Variants in FDPS observed in about 807,000 individuals in gnomAD.
FDPS encodes the protein farnesyl pyrophosphate synthase.
A neutral mutation model predicts 49.5 loss-of-function variants in FDPS; 29 were observed. The ratio of observed to expected loss-of-function variants is 0.59; its 90% CI spans 0.44 to 0.80. FDPS has a LOEUF of 0.80. Among genes scored for constraint, FDPS ranks in the 30% least tolerant of loss-of-function variants. FDPS has a pLI of 0.00. For missense variants in FDPS, 414 were observed against 525.6 expected (o/e 0.79, Z 2.08); for synonymous variants, 172 against 206.4 (o/e 0.83, Z 1.43).
intron 4 of FDPS, among the ~76,000 whole-genome samples, chr1:155,315,261 T>C (rs2148239436): frequency 6.6e-6 from 1 of 152,334 alleles, no homozygotes; most frequent in South Asian, 2.1e-4. Context: ...CCATGTCTTC[T>C]AGGCCAAGTG....
chr1:155,312,947 C>T (rs1287543377), intron 4 of FDPS: 4 of 148,568 alleles, frequency 2.7e-5, no homozygotes, highest in Non-Finnish European at 5.9e-5. Flanking sequence ...CCATTGCACT[C>T]CAGCCTGGGC....
Position 155,318,495 on chromosome 1 carries a change from T to A in FDPS, c.685-170T>A. On this transcript the variant is annotated intron_variant, in intron 6 of 10. Transcript: ENST00000368356. This position sits in a 1 kb window ranked among gnomAD's most constrained non-coding sequence, Gnocchi z 4.2. ...CCTGTGTAATTGGAAGAAAGGGTGA[T>A]AAAGGACTGTGTGTATGAATATGGG... is the stretch of plus-strand genomic sequence containing the variant. 2 of 813,698 alleles carry A rather than the reference T, an allele frequency of 2.5e-6. No individual in the cohort carries two copies. Among genetic ancestry groups the A allele is most frequent in the Non-Finnish European group, 4.0e-6 (2 of 497,714 alleles). The allele number at this position is 813,698 out of a possible 1,614,324, so 50.4% of individuals were successfully genotyped here. A position where few individuals can be genotyped will look rare whatever the true frequency, so the allele number is the denominator to read the frequency against.
At chr1:155,314,149 A>G (rs1649076543) in intron 4 of FDPS, among the ~76,000 whole-genome samples, 1 of 151,132 alleles carries the variant, frequency 6.6e-6, no homozygotes, top group Non-Finnish European at 1.5e-5. Flanking sequence ...TAACCCTAGC[A>G]GCACCCTAGT....
Position 155,318,071 on chromosome 1 carries a change from G to T in FDPS, c.561+50G>T. 1 of 1,610,388 alleles carries T rather than the reference G, an allele frequency of 6.2e-7. No individual in the cohort carries two copies. The highest frequency in any genetic ancestry group is 1.7e-4 in the Middle Eastern group (1 of 6,046). On this transcript the variant is annotated intron_variant, in intron 5 of 10. Transcript: ENST00000368356. The surrounding 1 kb of genome is among the most constrained non-coding windows in gnomAD (Gnocchi z 4.2). ...TGGGTATGGGGACAGGCCACAGGGAGGTGGTTATATATGGCCTGGTTGAGG... is the reference window on the plus strand; with the variant it reads ...TGGGTATGGGGACAGGCCACAGGGATGTGGTTATATATGGCCTGGTTGAGG...
In FDPS at chr1:155,318,829, AG is replaced by A. The variant is rs768853515; in HGVS notation, c.774-25del. ...GCTCAGGATGTGCATTGCCCTCCTGAGGAGTTTCTCTTCTCCCCTTACTCAG... is the reference window on the plus strand; with the variant it reads ...GCTCAGGATGTGCATTGCCCTCCTGAGAGTTTCTCTTCTCCCCTTACTCAG... On this transcript the variant is annotated intron_variant, in intron 7 of 10. Coordinates refer to ENST00000368356, the MANE Select transcript of FDPS (RefSeq NM_002004.4). The surrounding 1 kb of genome is among the most constrained non-coding windows in gnomAD (Gnocchi z 4.2). The A allele has an allele frequency of 1.7e-4, 273 of 1,602,028 alleles. 2 individuals carry two copies. In the African/African-American group the frequency reaches 3.4e-3, roughly 20 times the overall value.
chr1:155,311,991 T>C (rs938847645), intron 3 of FDPS, among the ~76,000 whole-genome samples: 1 of 151,772 alleles, frequency 6.6e-6, no homozygotes, highest in Non-Finnish European at 1.5e-5. Context: ...AATAAATAAA[T>C]AAATAAATAA....
chr1:155,320,019 A>G lies in FDPS; in HGVS notation c.1059+91A>G, dbSNP rs1476813107. The G allele has an allele frequency of 2.7e-6, 4 of 1,454,918 alleles. No homozygotes were observed. In the Admixed American group the frequency reaches 7.6e-5, roughly 28 times the overall value. 90.1% of individuals were successfully genotyped at this position (1,454,918 alleles called of 1,614,324 possible). A position where few individuals can be genotyped will look rare whatever the true frequency, so the allele number is the denominator to read the frequency against. On this transcript the variant is annotated intron_variant, in intron 10 of 10. Coordinates refer to ENST00000368356, the MANE Select transcript of FDPS (RefSeq NM_002004.4). Reference sequence around the variant, plus strand: ...GAGGCAGTTTTCCTCCCGAGGGGACATTTGGCAATGTCAGCAGACATTTTT... The same window carrying G: ...GAGGCAGTTTTCCTCCCGAGGGGACGTTTGGCAATGTCAGCAGACATTTTT...
At chr1:155,320,147 C>G in intron 10 of FDPS, 1 of 655,080 alleles carries the variant, frequency 1.5e-6, no homozygotes, top group African/African-American at 1.8e-5. Flanking sequence ...ACAGCTCCCC[C>G]AGACAGGATT....
intron 4 of FDPS, among the ~76,000 whole-genome samples, chr1:155,314,114 C>T (rs949961113): frequency 2.0e-5 from 3 of 152,018 alleles, no homozygotes; most frequent in Admixed American, 1.3e-4. Flanking sequence ...GTGTGAGCCA[C>T]TGCACCTGGC....
intron 3 of FDPS, among the ~76,000 whole-genome samples, chr1:155,310,886 C>G (rs1401353963): frequency 2.6e-5 from 4 of 152,184 alleles, no homozygotes. Flanking sequence ...TCATTAGAAA[C>G]CCCTATTCTA....
intron 4 of FDPS, among the ~76,000 whole-genome samples, chr1:155,315,686 A>AAAAAAAC (rs781285971): frequency 5.5e-4 from 84 of 151,978 alleles, no homozygotes; most frequent in Middle Eastern, 3.4e-3. Flanking sequence ...TCTGTCTCAA[A>AAAAAAAC]AAAAAACAAA....
In FDPS at chr1:155,318,085, G is replaced by C. The variant is rs1233535914; in HGVS notation, c.561+64G>C. 2 of 1,611,922 alleles carry C rather than the reference G, an allele frequency of 1.2e-6. No homozygotes were observed. The highest frequency in any genetic ancestry group is 2.7e-5 in the African/African-American group (2 of 74,882). ...GGCCACAGGGAGGTGGTTATATATG[G>C]CCTGGTTGAGGTGTTGGGGTGATGG... On this transcript the variant is annotated intron_variant, in intron 5 of 10. Transcript: ENST00000368356. This position sits in a 1 kb window ranked among gnomAD's most constrained non-coding sequence, Gnocchi z 4.2.
chr1:155,310,282 A>T, intron 3 of FDPS, 77 bp downstream of exon 3: 73 of 1,222,862 alleles, frequency 6.0e-5, no homozygotes, highest in Non-Finnish European at 8.2e-5. Flanking sequence ...CCTGTGGCTT[A>T]TGGGGGACTT....
intron 1 of FDPS, 46 bp from the exon 2 acceptor site, chr1:155,309,743 G>GC: frequency 6.9e-7 from 1 of 1,450,260 alleles, no homozygotes; most frequent in Non-Finnish European, 9.2e-7. Flanking sequence ...TTTGGTGCTT[G>GC]CCCCTGCAGG....
chr1:155,310,529 T>C (rs1484541129), intron 3 of FDPS: 4 of 253,908 alleles, frequency 1.6e-5, no homozygotes. Context: ...CAGGCTGGTC[T>C]CGAACTCCTG....
chr1:155,310,341 T>C, intron 3 of FDPS, 136 bp downstream of exon 3: 1 of 733,496 alleles, frequency 1.4e-6, no homozygotes, highest in Non-Finnish European at 2.2e-6. Context: ...GACAGAGCCT[T>C]GCTCTGTCAC....
At chr1:155,315,987 G>T (rs557574187) in intron 4 of FDPS, among the ~76,000 whole-genome samples, 10 of 152,224 alleles carry the variant, frequency 6.6e-5, no homozygotes, top group African/African-American at 2.4e-4. Flanking sequence ...GGGTGCATTG[G>T]CTCACACTTA....
At chr1:155,312,734 AC>A in intron 4 of FDPS, 1 of 209,514 alleles carries the variant, frequency 4.8e-6, no homozygotes, top group Non-Finnish European at 9.8e-6. Flanking sequence ...CAATCCCAGC[AC>A]TTTGGGAGGC....
chr1:155,317,843 A>G, intron 4 of FDPS, 98 bp from the exon 5 acceptor site: 2 of 1,113,016 alleles, frequency 1.8e-6, no homozygotes, highest in Non-Finnish European at 2.6e-6. Flanking sequence ...CCCTACCAAA[A>G]AAAAGCAAAA....
Sources: allele counts gnomAD v4.1 joint callset (sites outside exome capture counted in the v4.1 genomes callset), GRCh38; gene constraint gnomAD v4.1.1; non-coding constraint Gnocchi (gnomAD v3.1); transcripts MANE v1.5; gene names NCBI Gene and HGNC (gene_info 2026-07-23, HGNC 2026-07-21).